B4GALNT3: variants seen among roughly 807,000 people sequenced by gnomAD.
B4GALNT3 encodes beta-1,4-N-acetyl-galactosaminyltransferase 3, also known as beta-1,4-N-acetylgalactosaminyltransferase 3.
In B4GALNT3, 86 loss-of-function variants were observed where a neutral mutation model predicts 120.2. The observed-to-expected ratio is 0.72, with a 90% confidence interval of 0.60 to 0.86. The LOEUF is 0.86. B4GALNT3 is among the 40% of genes least tolerant of loss of function. The pLI is 0.00. For missense variants in B4GALNT3, 1,167 were observed against 1,298.9 expected (o/e 0.90, Z 1.56); for synonymous variants, 518 against 510.4 (o/e 1.01, Z -0.20).
At chr12:479,951 T>C (rs199763223) in intron 1 of B4GALNT3, among the ~76,000 whole-genome samples, 7,652 of 128,010 alleles carry the variant, frequency 0.06, 312 homozygotes, top group East Asian at 0.22. Context: ...TCTCGCTCTG[T>C]CGCCCAGGCT....
In B4GALNT3 at chr12:489,643, G is replaced by A. The variant is rs188260413; in HGVS notation, c.169+29098G>A. 9.7e-4 allele frequency among the ~76,000 whole-genome samples: 148 copies of A among 152,308 alleles called. 1 individual carries two copies. The highest frequency in any genetic ancestry group is 3.3e-3 in the African/African-American group (137 of 41,564). On this transcript the variant is annotated intron_variant, in intron 1 of 19. Transcript: ENST00000266383. ...TAACACTAATAAAAAGAAAGCGGAAGAATAGATGAATCCACTGTTAGAGTT... is the reference window on the plus strand; with the variant it reads ...TAACACTAATAAAAAGAAAGCGGAAAAATAGATGAATCCACTGTTAGAGTT...
chr12:552,159 G>A lies in B4GALNT3; in HGVS notation c.1204G>A (p.Asp402Asn), dbSNP rs1266272843. ...CFYQENAYYQ[D>N]RFSFQEYIKI... ...CTACCAGGAAAACGCCTACTACCAAGACCGGTGAGAGACACTGAGTGGGGC... is the reference window on the plus strand; with the variant it reads ...CTACCAGGAAAACGCCTACTACCAAAACCGGTGAGAGACACTGAGTGGGGC... The change falls in exon 12 of 20, where the codon GAC (aspartate) becomes AAC (asparagine). Residue 402 changes from aspartate to asparagine, a missense_variant. Asp to Asn is a conservative substitution (Grantham distance 23). This residue lies in a region of B4GALNT3 where 983 missense variants were observed against 1,102.5 expected (regional missense o/e 0.89). Coordinates refer to ENST00000266383, the MANE Select transcript of B4GALNT3 (RefSeq NM_173593.4). The A allele has an allele frequency of 6.2e-7, 1 of 1,603,696 alleles. No homozygotes were observed. The highest frequency in any genetic ancestry group is 2.2e-5 in the East Asian group (1 of 44,822).
At chr12:466,475 A>G (rs1946082370) in intron 1 of B4GALNT3, among the ~76,000 whole-genome samples, 1 of 152,234 alleles carries the variant, frequency 6.6e-6, no homozygotes, top group South Asian at 2.1e-4. Flanking sequence ...GGTCTCAACT[A>G]GGCCAACCAG....
chr12:487,709 T>C (rs1469414942), intron 1 of B4GALNT3, among the ~76,000 whole-genome samples: 5 of 116,274 alleles, frequency 4.3e-5, no homozygotes, highest in African/African-American at 1.8e-4. Flanking sequence ...CGAGACTCTA[T>C]CTTGAAAAAA....
At chr12:513,369 C>T (rs1374131506) in intron 1 of B4GALNT3, among the ~76,000 whole-genome samples, 1 of 152,246 alleles carries the variant, frequency 6.6e-6, no homozygotes, top group African/African-American at 2.4e-5. Flanking sequence ...CCATTTTATG[C>T]TTATTTCTTG....
At chr12:552,709 C>T in intron 13 of B4GALNT3, 181 bp downstream of exon 13, 1 of 617,028 alleles carries the variant, frequency 1.6e-6, no homozygotes, top group South Asian at 2.2e-5. Context: ...CATATCCAGG[C>T]ACATGTGGAA....
At chr12:491,950 C>T (rs952394256) in intron 1 of B4GALNT3, among the ~76,000 whole-genome samples, 6 of 150,312 alleles carry the variant, frequency 4.0e-5, no homozygotes, top group Admixed American at 1.3e-4. Context: ...TCCAGCTACT[C>T]GGGAGGCTGA....
intron 3 of B4GALNT3, among the ~76,000 whole-genome samples, chr12:537,120 C>T (rs1430038781): frequency 6.6e-6 from 1 of 152,190 alleles, no homozygotes. Context: ...GCCTATTATA[C>T]TCTATGAAAC....
At chr12:476,657 T>C (rs1392983589) in intron 1 of B4GALNT3, among the ~76,000 whole-genome samples, 1 of 152,186 alleles carries the variant, frequency 6.6e-6, no homozygotes, top group Non-Finnish European at 1.5e-5. Flanking sequence ...TGCCCAGAAT[T>C]GAATGTTGAT....
intron 1 of B4GALNT3, among the ~76,000 whole-genome samples, chr12:528,242 G>A (rs1427518486): frequency 6.6e-6 from 1 of 151,978 alleles, no homozygotes; most frequent in African/African-American, 2.4e-5. Flanking sequence ...TAGAGACGGG[G>A]TCTCATCATA....
At position 559,396 on chromosome 12, in the gene B4GALNT3, G is replaced by A. The variant is rs770967460; in HGVS notation, c.2863G>A (p.Gly955Arg). ...CAAGGAGTTCCGAGACCGCTGGGGC[G>A]GGGAAGACTGGGAGCTGCTGGACAG... ...NTKEFRDRWG[G>R]EDWELLDRIL... Residue 955 changes from glycine to arginine, a missense_variant, in exon 19 of 20, where the codon GGG becomes AGG. Gly to Arg is a moderately radical substitution (Grantham distance 125, BLOSUM62 -2). Transcript: ENST00000266383. 21 of 1,613,798 alleles carry A rather than the reference G, an allele frequency of 1.3e-5. No homozygotes were observed. Among genetic ancestry groups the A allele is most frequent in the South Asian group, 3.3e-5 (3 of 91,066 alleles).
chr12:550,083 G>C lies in B4GALNT3; in HGVS notation c.997+171G>C, dbSNP rs1264202905. ...TACAGAAAAGAGAGCATGTAAATAA[G>C]TATAAAATATTTACGTGTAATTTTA... On this transcript the variant is annotated intron_variant, in intron 10 of 19. Transcript: ENST00000266383. The surrounding 1 kb of genome is among the most constrained non-coding windows in gnomAD (Gnocchi z 4.1). Among the ~76,000 whole-genome samples, 1 of 152,184 alleles carries C rather than the reference G, an allele frequency of 6.6e-6. No individual in the cohort carries two copies. The highest frequency in any genetic ancestry group is 2.4e-5 in the African/African-American group (1 of 41,422).
At chr12:532,727 AG>A (rs1946819860) in intron 1 of B4GALNT3, among the ~76,000 whole-genome samples, 2 of 152,200 alleles carry the variant, frequency 1.3e-5, no homozygotes, top group Admixed American at 1.3e-4. Context: ...ACAGGGCCCA[AG>A]GATGAGGTCT....
rs1565611908 is a variant in B4GALNT3, at chr12:555,824, GC to G, written c.2061-720del. Among the ~76,000 whole-genome samples, 7 of 150,222 alleles carry G rather than the reference GC, an allele frequency of 4.7e-5. No individual in the cohort carries two copies. The South Asian group carries it at 1.5e-3, about 31-fold the overall frequency. ...TTTTGAGACGGAGTCTCGCTCTGTC[GC>G]CCAGGCTGGAGTGCAGTGGCGCGAT... On this transcript the variant is annotated intron_variant, in intron 14 of 19. Transcript: ENST00000266383.
chr12:561,251 G>A (rs2120755810), intron 19 of B4GALNT3, 92 bp from the exon 20 acceptor site: 1 of 925,072 alleles, frequency 1.1e-6, no homozygotes, highest in East Asian at 2.6e-5. Context: ...CTGCCCCGTG[G>A]GGAGCGAACA....
intron 1 of B4GALNT3, among the ~76,000 whole-genome samples, chr12:533,526 G>A (rs12313796): frequency 0.041 from 6,201 of 152,258 alleles, 265 homozygotes; most frequent in African/African-American, 0.11. Flanking sequence ...CCTCTGCGCC[G>A]GCACTCCTCA....
At chr12:531,035 G>A (rs11063439) in intron 1 of B4GALNT3, among the ~76,000 whole-genome samples, 70,412 of 151,970 alleles carry the variant, frequency 0.46, 17,058 homozygotes, top group East Asian at 0.81. Context: ...GGAGCAGGAG[G>A]AGTTCGCTTA....
At chr12:559,062 G>C (rs1249316639) in intron 18 of B4GALNT3, among the ~76,000 whole-genome samples, 1 of 152,044 alleles carries the variant, frequency 6.6e-6, no homozygotes, top group African/African-American at 2.4e-5. Context: ...CCATTTGTAG[G>C]GTTGTTATCA....
Position 535,253 on chromosome 12 carries a change from A to G in B4GALNT3, c.257A>G (p.Gln86Arg), listed in dbSNP as rs1946846654. ...VDPHLQFYHP[Q>R]RLSLEDHDID... ...CCACACCTCCAGTTCTACCATCCCC[A>G]GAGGCTGAGCCTCGAGGTAGGTGAC... Residue 86 changes from glutamine to arginine, a missense_variant, in exon 2 of 20, where the codon CAG (glutamine) becomes CGG (arginine). This residue lies in a region of B4GALNT3 where 171 missense variants were observed against 161.3 expected (regional missense o/e 1.06). Coordinates refer to ENST00000266383, the MANE Select transcript of B4GALNT3 (RefSeq NM_173593.4). 6.2e-7 allele frequency: 1 copy of G among 1,613,828 alleles called. No homozygotes were observed. The highest frequency in any genetic ancestry group is 8.5e-7 in the Non-Finnish European group (1 of 1,179,954).
Sources: allele counts gnomAD v4.1 joint callset (sites outside exome capture counted in the v4.1 genomes callset), GRCh38; gene constraint gnomAD v4.1.1; regional missense constraint gnomAD v4.1.1; non-coding constraint Gnocchi (gnomAD v3.1); transcripts MANE v1.5; gene names NCBI Gene and HGNC (gene_info 2026-07-23, HGNC 2026-07-21).